Variants in ZBBX observed in about 807,000 individuals in gnomAD.
The protein encoded by ZBBX is zinc finger B-box domain containing, also known as zinc finger B-box domain-containing protein 1.
A neutral mutation model predicts 108.5 loss-of-function variants in ZBBX; 101 were observed. The ratio of observed to expected loss-of-function variants is 0.93; its 90% CI spans 0.79 to 1.10. The LOEUF (loss-of-function observed/expected upper bound fraction) is 1.10. Among genes scored for constraint, ZBBX ranks in the 50% least tolerant of loss-of-function variants. ZBBX has a pLI of 0.00. For missense variants in ZBBX, 1,009 were observed against 941.4 expected (o/e 1.07, Z -0.94); for synonymous variants, 356 against 323.4 (o/e 1.10, Z -1.08).
chr3:167,260,597 C>T (rs1004092212), intron 20 of ZBBX, among the ~76,000 whole-genome samples: 18 of 152,122 alleles, frequency 1.2e-4, no homozygotes, highest in Non-Finnish European at 1.5e-5. Flanking sequence ...CTTCAAATTT[C>T]TTCTACTTGT....
chr3:167,231,416 C>G, the ZBBX span, among the ~76,000 whole-genome samples: 1 of 151,696 alleles, frequency 6.6e-6, no homozygotes, highest in African/African-American at 2.4e-5. Context: ...ACAGACTGGT[C>G]GACCACTTTA....
At chr3:167,284,315 G>GTCTA (rs745929367) in intron 19 of ZBBX, among the ~76,000 whole-genome samples, 20 of 151,776 alleles carry the variant, frequency 1.3e-4, no homozygotes, top group Non-Finnish European at 2.5e-4. Context: ...AACTCTCCAA[G>GTCTA]TCTACATAAG....
chr3:167,382,296 T>G (rs1267425227), upstream of ZBBX, among the ~76,000 whole-genome samples: 1 of 152,196 alleles, frequency 6.6e-6, no homozygotes, highest in Non-Finnish European at 1.5e-5. Flanking sequence ...TCTTTCAGAA[T>G]GATGATTAGT....
chr3:167,187,827 A>G, the ZBBX span, among the ~76,000 whole-genome samples: 29 of 152,170 alleles, frequency 1.9e-4, no homozygotes, highest in African/African-American at 6.0e-4. Flanking sequence ...TCATTAATCA[A>G]TATTTATGAA....
chr3:167,292,413 G>A (rs182540384), intron 18 of ZBBX, among the ~76,000 whole-genome samples: 3 of 152,158 alleles, frequency 2.0e-5, no homozygotes, highest in Non-Finnish European at 2.9e-5. Flanking sequence ...AAAACTGCAC[G>A]ACTACATGAA....
At chr3:167,290,649 C>T (rs1730521572) in intron 18 of ZBBX, among the ~76,000 whole-genome samples, 1 of 152,088 alleles carries the variant, frequency 6.6e-6, no homozygotes, top group Non-Finnish European at 1.5e-5. Flanking sequence ...TGCCTCCTCT[C>T]CTCCAAAGGA....
intron 20 of ZBBX, among the ~76,000 whole-genome samples, chr3:167,272,699 A>C (rs937541122): frequency 4.6e-5 from 7 of 152,152 alleles, no homozygotes; most frequent in Non-Finnish European, 8.8e-5. Flanking sequence ...CCCTGTAGAG[A>C]TCTCCAAAGT....
At chr3:167,251,999 A>G (rs140465233) in intron 20 of ZBBX, 8,762 of 474,258 alleles carry the variant, frequency 0.018, 129 homozygotes, top group South Asian at 0.029. Context: ...GCACTCTGAT[A>G]TCAGCCACAG....
intron 20 of ZBBX, among the ~76,000 whole-genome samples, chr3:167,270,833 T>A (rs949253008): frequency 5.3e-5 from 8 of 152,220 alleles, no homozygotes; most frequent in Admixed American, 5.2e-4. Flanking sequence ...TAACTACTGA[T>A]AATTCACTCA....
intron 18 of ZBBX, among the ~76,000 whole-genome samples, chr3:167,297,443 A>G (rs1453766058): frequency 6.6e-6 from 1 of 152,028 alleles, no homozygotes; most frequent in Non-Finnish European, 1.5e-5. Context: ...CTTAGAAGAA[A>G]GTATAGGCCC....
At chr3:167,363,284 C>T (rs934792551) in intron 6 of ZBBX, among the ~76,000 whole-genome samples, 1 of 152,018 alleles carries the variant, frequency 6.6e-6, no homozygotes, top group Admixed American at 6.6e-5. Flanking sequence ...AATCCCCAAC[C>T]ACAATTCCCA....
At position 167,263,184 on chromosome 3, in the gene ZBBX, G is replaced by A. The variant is rs546523856; in HGVS notation, c.2254+19054C>T. On this transcript the variant is annotated intron_variant, in intron 20 of 21. Transcript: ENST00000675490. ...CCCAAGTACCTGGGATTACAGGCAC[G>A]CACCACTGCGCCCAACTAATTTTTG... is the stretch of plus-strand genomic sequence containing the variant. Among the ~76,000 whole-genome samples, 123 of 151,786 alleles carry A rather than the reference G, an allele frequency of 8.1e-4. 1 individual carries two copies. Among genetic ancestry groups the A allele is most frequent in the African/African-American group, 2.8e-3 (116 of 41,424 alleles).
chr3:167,266,580 T>C (rs546823101), intron 20 of ZBBX, among the ~76,000 whole-genome samples: 2 of 152,066 alleles, frequency 1.3e-5, no homozygotes, highest in African/African-American at 4.8e-5. Flanking sequence ...AAGTAGCCAA[T>C]TGGGTCAGCT....
chr3:167,390,236 C>T (rs1748046449), intron 1 of ZBBX, among the ~76,000 whole-genome samples: 1 of 152,126 alleles, frequency 6.6e-6, no homozygotes, highest in Non-Finnish European at 1.5e-5. Flanking sequence ...TTCCCCATTG[C>T]TTGTTCTTGT....
chr3:167,326,234 G>A (rs1416783226), intron 11 of ZBBX, among the ~76,000 whole-genome samples: 1 of 152,106 alleles, frequency 6.6e-6, no homozygotes, highest in Non-Finnish European at 1.5e-5. Context: ...ATGGCCAGTT[G>A]CCCATTACAG....
Position 167,372,930 on chromosome 3 carries a change from T to C in ZBBX, c.-29A>G, listed in dbSNP as rs374957561. ...TACCACCTTAATATTGTCTAAAAGT[T>C]ATTCTGATTTGTAAACACTTCTGTA... On this transcript the variant is annotated 5_prime_UTR_variant, in exon 4 of 22. In the 5' UTR this introduces an upstream ATG that the reference lacks. Coordinates refer to ENST00000675490, the MANE Select transcript of ZBBX (RefSeq NM_001199201.2). The C allele has an allele frequency of 1.3e-5, 20 of 1,541,378 alleles. No homozygotes were observed. The highest frequency in any genetic ancestry group is 1.7e-4 in the Middle Eastern group (1 of 5,756).
intron 9 of ZBBX, among the ~76,000 whole-genome samples, chr3:167,346,832 TA>T (rs1741544499): frequency 6.6e-6 from 1 of 151,214 alleles, no homozygotes; most frequent in Non-Finnish European, 1.5e-5. Context: ...ATAAAAACAA[TA>T]AGACAAAAAA....
chr3:167,272,831 T>C (rs554625517), intron 20 of ZBBX, among the ~76,000 whole-genome samples: 1 of 152,292 alleles, frequency 6.6e-6, no homozygotes, highest in East Asian at 1.9e-4. Flanking sequence ...TGGAATGATG[T>C]CCTGTGGAAA....
chr3:167,348,314 G>GAAAGAGAAAGAA (rs1476551584), intron 9 of ZBBX, among the ~76,000 whole-genome samples: 12 of 65,600 alleles, frequency 1.8e-4, no homozygotes, highest in East Asian at 1.2e-3. Context: ...GAGAAAGAAA[G>GAAAGAGAAAGAA]AGAAAGAAAG....
Sources: gnomAD v4.1 joint callset for allele counts (sites outside exome capture counted in the v4.1 genomes callset) on GRCh38, gnomAD v4.1.1 for gene constraint, MANE v1.5 for transcripts, NCBI Gene and HGNC (gene_info 2026-07-23, HGNC 2026-07-21) for gene names.